KIAA1217: variants seen among roughly 807,000 people sequenced by gnomAD.
KIAA1217 encodes the protein sickle tail protein homolog.
A neutral mutation model predicts 163.9 loss-of-function variants in KIAA1217; 88 were observed. The observed-to-expected ratio is 0.54, with a 90% confidence interval of 0.45 to 0.64. The LOEUF (loss-of-function observed/expected upper bound fraction) is 0.64. Among genes scored for constraint, KIAA1217 ranks in the 30% least tolerant of loss-of-function variants. KIAA1217 has a pLI of 0.00. For synonymous variants in KIAA1217, 903 were observed against 923.1 expected, an observed-to-expected ratio of 0.98 and a Z score of 0.39; for missense variants, 2,372 against 2,475.0, an observed-to-expected ratio of 0.96 and a Z score of 0.88.
intron 2 of KIAA1217, among the ~76,000 whole-genome samples, chr10:24,190,879 T>C (rs868849844): frequency 1.6e-5 from 2 of 127,660 alleles, no homozygotes; most frequent in South Asian, 2.8e-4. Context: ...AACCAGGACA[T>C]GGGTTTGTCA....
chr10:23,959,818 G>A (rs926216716), intron 1 of KIAA1217, among the ~76,000 whole-genome samples: 1 of 151,912 alleles, frequency 6.6e-6, no homozygotes, highest in Non-Finnish European at 1.5e-5. Context: ...CCTTGTCTTC[G>A]AGGATAAGGA....
At chr10:24,141,024 G>A (rs558766036) in intron 2 of KIAA1217, among the ~76,000 whole-genome samples, 2 of 152,226 alleles carry the variant, frequency 1.3e-5, no homozygotes, top group African/African-American at 4.8e-5. Context: ...ACAACTCTTT[G>A]AAGACTGAAA....
At chr10:24,145,369 C>G (rs186450567) in intron 2 of KIAA1217, among the ~76,000 whole-genome samples, 1 of 152,196 alleles carries the variant, frequency 6.6e-6, no homozygotes, top group Non-Finnish European at 1.5e-5. Flanking sequence ...TAGTCAGAAG[C>G]TTAAATGATA....
At chr10:24,437,099 A>G (rs1241977920) in intron 4 of KIAA1217, among the ~76,000 whole-genome samples, 2 of 152,192 alleles carry the variant, frequency 1.3e-5, no homozygotes, top group Non-Finnish European at 2.9e-5. Flanking sequence ...AAATACCTCC[A>G]GAATCACAGT....
At chr10:23,795,129 C>T (rs534591638) in intron 1 of KIAA1217, among the ~76,000 whole-genome samples, 1 of 152,354 alleles carries the variant, frequency 6.6e-6, no homozygotes, top group South Asian at 2.1e-4. Context: ...CCATTAATAA[C>T]ATTTTCTGAC....
chr10:23,932,812 T>A (rs995685344), intron 1 of KIAA1217, among the ~76,000 whole-genome samples: 1 of 152,210 alleles, frequency 6.6e-6, no homozygotes, highest in Non-Finnish European at 1.5e-5. Context: ...ACTGTGTGAG[T>A]TTCTTTAGAG....
intron 2 of KIAA1217, among the ~76,000 whole-genome samples, chr10:24,220,494 G>A (rs1414859671): frequency 2.5e-5 from 3 of 118,754 alleles, no homozygotes; most frequent in Admixed American, 1.2e-4. Flanking sequence ...TTGCTCTGTC[G>A]CCCAGGCTAG....
intron 2 of KIAA1217, among the ~76,000 whole-genome samples, chr10:24,351,432 C>T (rs1398308916): frequency 6.6e-6 from 1 of 152,138 alleles, no homozygotes; most frequent in Non-Finnish European, 1.5e-5. Context: ...AGTGTTCATG[C>T]GTGTCCTCCC....
chr10:24,101,330 G>A (rs1483101010), intron 2 of KIAA1217, among the ~76,000 whole-genome samples: 2 of 152,048 alleles, frequency 1.3e-5, no homozygotes, highest in African/African-American at 4.8e-5. Context: ...GGAGTTTTAT[G>A]ATTCTAAATT....
intron 6 of KIAA1217, among the ~76,000 whole-genome samples, chr10:24,480,983 A>G (rs2064607974): frequency 6.6e-6 from 1 of 152,224 alleles, no homozygotes; most frequent in Non-Finnish European, 1.5e-5. Flanking sequence ...CATCTGAGCT[A>G]TAAGACTGAA....
intron 1 of KIAA1217, among the ~76,000 whole-genome samples, chr10:24,219,358 C>T (rs759591614): frequency 4.6e-5 from 7 of 152,274 alleles, no homozygotes; most frequent in South Asian, 2.1e-4. Flanking sequence ...GCGATCCTCC[C>T]GCCTTAGCCT....
chr10:23,743,103 G>T (rs1471645295), intron 1 of KIAA1217, among the ~76,000 whole-genome samples: 1 of 152,134 alleles, frequency 6.6e-6, no homozygotes, highest in Non-Finnish European at 1.5e-5. Context: ...AACACAGATT[G>T]CTGGGAATTT....
intron 1 of KIAA1217, among the ~76,000 whole-genome samples, chr10:23,725,956 T>C (rs1360358932): frequency 2.0e-5 from 3 of 152,226 alleles, no homozygotes; most frequent in African/African-American, 7.2e-5. Flanking sequence ...TTAAACTTGA[T>C]GTAATTTCTT....
chr10:24,214,897 T>C (rs2068616437), intron 1 of KIAA1217, among the ~76,000 whole-genome samples: 1 of 152,148 alleles, frequency 6.6e-6, no homozygotes, highest in South Asian at 2.1e-4. Flanking sequence ...GCCTGAGTGG[T>C]GCAAGGCCCC....
chr10:24,153,638 A>G (rs2064729363), intron 2 of KIAA1217, among the ~76,000 whole-genome samples: 2 of 152,146 alleles, frequency 1.3e-5, no homozygotes, highest in African/African-American at 4.8e-5. Context: ...ATTGTTCTCA[A>G]ACTTTTGTTA....
In KIAA1217 at chr10:24,079,648, T is replaced by C. The variant is rs7897369; in HGVS notation, c.-171+72274T>C. ...CTTGCATAAGACATTATCCATTCCA[T>C]AATGCAACATTTTCTGTACCCAGAA... On this transcript the variant is annotated intron_variant, in intron 2 of 18. Coordinates refer to the KIAA1217 transcript ENST00000376462. Among the ~76,000 whole-genome samples the C allele has an allele frequency of 3.5e-3, 538 of 152,284 alleles. 4 individuals are homozygous for C. The highest frequency in any genetic ancestry group is 6.2e-3 in the Non-Finnish European group (424 of 68,012).
At chr10:23,827,034 G>T (rs151165929) in intron 1 of KIAA1217, among the ~76,000 whole-genome samples, 1,804 of 152,272 alleles carry the variant, frequency 0.012, 29 homozygotes, top group African/African-American at 0.041. Context: ...TCTGGTGAGA[G>T]GTGAAGAGGG....
At chr10:24,120,047 G>A (rs1015483192) in intron 2 of KIAA1217, among the ~76,000 whole-genome samples, 1 of 152,196 alleles carries the variant, frequency 6.6e-6, no homozygotes, top group Non-Finnish European at 1.5e-5. Context: ...CGACCTCCAA[G>A]AAACATGATT....
chr10:23,852,852 T>C (rs545206762), intron 1 of KIAA1217, among the ~76,000 whole-genome samples: 5 of 152,228 alleles, frequency 3.3e-5, no homozygotes, highest in African/African-American at 1.2e-4. Flanking sequence ...TTGTGATTTT[T>C]GTACATTGAT....
Sources: gnomAD v4.1 joint callset for allele counts (sites outside exome capture counted in the v4.1 genomes callset) on GRCh38, gnomAD v4.1.1 for gene constraint, MANE v1.5 for transcripts, NCBI Gene and HGNC (gene_info 2026-07-23, HGNC 2026-07-21) for gene names.